The following MIPEP variants were observed in gnomAD, a reference collection of about 807,000 sequenced individuals.
MIPEP encodes the protein mitochondrial intermediate peptidase.
MIPEP carries 79 observed loss-of-function variants against 90.3 expected under a neutral mutation model. The observed-to-expected ratio is 0.87, with a 90% CI of 0.73 to 1.05. The LOEUF (loss-of-function observed/expected upper bound fraction) is 1.05. MIPEP is among the 50% of genes least tolerant of loss of function. The pLI, the probability that MIPEP is intolerant of heterozygous loss-of-function variation, is 0.00. For synonymous variants in MIPEP, 334 were observed against 315.8 expected, an observed-to-expected ratio of 1.06 and a Z score of -0.61; for missense variants, 940 against 905.6, an observed-to-expected ratio of 1.04 and a Z score of -0.49.
intron 14 of MIPEP, among the ~76,000 whole-genome samples, chr13:23,819,592 A>T (rs1474050105): frequency 2.6e-5 from 4 of 152,234 alleles, no homozygotes; most frequent in Non-Finnish European, 5.9e-5. Flanking sequence ...CTAAAAATCC[A>T]GAAAATTCTG....
intron 16 of MIPEP, among the ~76,000 whole-genome samples, chr13:23,761,847 G>A (rs9551005): frequency 0.2 from 30,096 of 152,158 alleles, 3,573 homozygotes; most frequent in East Asian, 0.43. Context: ...AGCTTGGGCC[G>A]GGCACAGTGG....
At chr13:23,757,985 G>C (rs951702061) in intron 17 of MIPEP, among the ~76,000 whole-genome samples, 2 of 152,062 alleles carry the variant, frequency 1.3e-5, no homozygotes, top group African/African-American at 4.8e-5. Context: ...TTTACATGTG[G>C]GTCATTTTGT....
chr13:23,850,306 GTTT>G (rs553723786), intron 10 of MIPEP, among the ~76,000 whole-genome samples: 1,565 of 152,274 alleles, frequency 0.01, 10 homozygotes, highest in Non-Finnish European at 0.019. Flanking sequence ...GAGAGCTACT[GTTT>G]TATTTGGTTA....
chr13:23,739,963 T>C lies in MIPEP; in HGVS notation c.2045-9518A>G, dbSNP rs76053782. ...TGTTCATACAGCACCAAGGTGTCAA[T>C]GGGGTAGGATATTGCTTTTTTCCAC... is the stretch of plus-strand genomic sequence containing the variant. On this transcript the variant is annotated intron_variant, in intron 18 of 18. Transcript: ENST00000382172. Among the ~76,000 whole-genome samples, 387 of 152,252 alleles carry C rather than the reference T, an allele frequency of 2.5e-3. 2 individuals carry two copies. The highest frequency in any genetic ancestry group is 7.8e-3 in the Admixed American group (119 of 15,298).
intron 16 of MIPEP, among the ~76,000 whole-genome samples, chr13:23,794,886 GTTTT>G (rs1323551045): frequency 6.6e-6 from 1 of 152,066 alleles, no homozygotes; most frequent in Non-Finnish European, 1.5e-5. Flanking sequence ...ACACTTCTGT[GTTTT>G]AGTTACAAAG....
intron 8 of MIPEP, among the ~76,000 whole-genome samples, chr13:23,863,894 A>G (rs1002097995): frequency 6.6e-6 from 1 of 152,246 alleles, no homozygotes; most frequent in South Asian, 2.1e-4. Context: ...AGATTTTTAA[A>G]GTGCAAATGA....
chr13:23,822,221 G>T (rs970119135), intron 14 of MIPEP, among the ~76,000 whole-genome samples: 1 of 152,104 alleles, frequency 6.6e-6, no homozygotes, highest in Non-Finnish European at 1.5e-5. Flanking sequence ...GACCTAATGT[G>T]CTTACTGTAA....
chr13:23,827,112 T>C (rs1593176277), intron 14 of MIPEP, among the ~76,000 whole-genome samples: 1 of 152,190 alleles, frequency 6.6e-6, no homozygotes, highest in Non-Finnish European at 1.5e-5. Flanking sequence ...TCCAAGGATT[T>C]TGGTAGCCAC....
intron 16 of MIPEP, among the ~76,000 whole-genome samples, chr13:23,785,680 G>A (rs906611756): frequency 6.6e-6 from 1 of 151,058 alleles, no homozygotes; most frequent in African/African-American, 2.4e-5. Context: ...AAAAAAGGGT[G>A]TATGAGGGAC....
chr13:23,775,874 T>G (rs1488411667), intron 16 of MIPEP, among the ~76,000 whole-genome samples: 1 of 152,212 alleles, frequency 6.6e-6, no homozygotes, highest in African/African-American at 2.4e-5. Context: ...CAGTCCTGAA[T>G]GAAACAACTA....
chr13:23,857,851 ACTT>A (rs1484033688), intron 10 of MIPEP, among the ~76,000 whole-genome samples: 1 of 152,196 alleles, frequency 6.6e-6, no homozygotes, highest in Non-Finnish European at 1.5e-5. Context: ...TTAAGCAAAT[ACTT>A]CTTATTTTGG....
chr13:23,767,026 C>A (rs555609987), intron 16 of MIPEP, among the ~76,000 whole-genome samples: 22 of 152,152 alleles, frequency 1.4e-4, no homozygotes, highest in Non-Finnish European at 2.8e-4. Flanking sequence ...TGGGGGAGGA[C>A]CCTGGAACCT....
At chr13:23,740,888 C>G (rs910905826) in intron 18 of MIPEP, among the ~76,000 whole-genome samples, 1 of 152,110 alleles carries the variant, frequency 6.6e-6, no homozygotes, top group African/African-American at 2.4e-5. Context: ...CTTGTGGAGT[C>G]GGGGAAGGAA....
intron 14 of MIPEP, among the ~76,000 whole-genome samples, chr13:23,810,927 T>C (rs991975178): frequency 1.1e-4 from 16 of 152,210 alleles, no homozygotes; most frequent in African/African-American, 3.9e-4. Flanking sequence ...CTCTTTCCAT[T>C]TGGCAGCAAG....
In MIPEP at chr13:23,848,197, G is replaced by A. The variant is rs999546044; in HGVS notation, c.1107-6709C>T. Among the ~76,000 whole-genome samples, 7 of 152,136 alleles carry A rather than the reference G, an allele frequency of 4.6e-5. No individual in the cohort carries two copies. In the East Asian group the frequency reaches 1.3e-3, roughly 29 times the overall value. On this transcript the variant is annotated intron_variant, in intron 10 of 18. Coordinates refer to ENST00000382172, the MANE Select transcript of MIPEP (RefSeq NM_005932.4). ...TACAGAAACACATGCAATGAACCTG[G>A]CATGGTTCCTGGAGAAAAGCAGGCA...
At chr13:23,736,227 AT>A (rs1214959974) in intron 18 of MIPEP, among the ~76,000 whole-genome samples, 1 of 152,238 alleles carries the variant, frequency 6.6e-6, no homozygotes, top group Non-Finnish European at 1.5e-5. Flanking sequence ...CAAACAGGCA[AT>A]AACTTTACAA....
At chr13:23,887,775 C>T (rs769108934) in intron 1 of MIPEP, among the ~76,000 whole-genome samples, 2 of 152,198 alleles carry the variant, frequency 1.3e-5, no homozygotes, top group Non-Finnish European at 2.9e-5. Context: ...ACAAGCCCTA[C>T]TGTTTCTACA....
At chr13:23,749,734 T>A (rs1385288705) in intron 18 of MIPEP, among the ~76,000 whole-genome samples, 1 of 152,298 alleles carries the variant, frequency 6.6e-6, no homozygotes, top group Middle Eastern at 3.4e-3. Context: ...GCACGGAGCT[T>A]GGGAGTCATC....
intron 16 of MIPEP, among the ~76,000 whole-genome samples, chr13:23,770,544 T>TG (rs1952637208): frequency 6.6e-6 from 1 of 152,102 alleles, no homozygotes. Flanking sequence ...TCTGTGCAGA[T>TG]GAACTCCCAC....
Sources: allele counts gnomAD v4.1 joint callset (sites outside exome capture counted in the v4.1 genomes callset), GRCh38; gene constraint gnomAD v4.1.1; transcripts MANE v1.5; gene names NCBI Gene and HGNC (gene_info 2026-07-23, HGNC 2026-07-21).